The following RPS6KC1 variants were observed in gnomAD, a reference collection of about 807,000 sequenced individuals.
RPS6KC1 encodes the protein inactive ribosomal protein S6 kinase delta-1.
Under a neutral mutation model 103.8 loss-of-function variants are expected in RPS6KC1, and 54 were observed. That is an observed-to-expected ratio of 0.52 (90% CI 0.42 to 0.65). RPS6KC1 has a LOEUF of 0.65. Ranked by LOEUF, RPS6KC1 falls within the 30% of genes least tolerant of loss-of-function variation. RPS6KC1 has a pLI of 0.00. For synonymous variants in RPS6KC1, 439 were observed against 438.7 expected (o/e 1.00, Z -0.01); for missense variants, 1,151 against 1,253.8 (o/e 0.92, Z 1.24).
At chr1:213,256,307 G>A (rs1423762999) in intron 12 of RPS6KC1, among the ~76,000 whole-genome samples, 1 of 152,152 alleles carries the variant, frequency 6.6e-6, no homozygotes, top group Non-Finnish European at 1.5e-5. Flanking sequence ...GATGGAAAAT[G>A]GGGAGTGAAA....
At chr1:213,790,175 T>A in the RPS6KC1 span, among the ~76,000 whole-genome samples, 1 of 152,098 alleles carries the variant, frequency 6.6e-6, no homozygotes, top group Non-Finnish European at 1.5e-5. Context: ...GGATAATGGG[T>A]GGAGGTAGAG....
At chr1:213,197,160 G>C (rs1477414393) in intron 8 of RPS6KC1, among the ~76,000 whole-genome samples, 1 of 152,272 alleles carries the variant, frequency 6.6e-6, no homozygotes, top group South Asian at 2.1e-4. Context: ...TTTTATACCA[G>C]TATTATCCTG....
the RPS6KC1 span, among the ~76,000 whole-genome samples, chr1:213,503,940 A>G: frequency 6.6e-6 from 1 of 152,212 alleles, no homozygotes; most frequent in African/African-American, 2.4e-5. Flanking sequence ...AATATGTTCA[A>G]GGATATTTAC....
chr1:213,858,311 G>A, the RPS6KC1 span, among the ~76,000 whole-genome samples: 1 of 152,134 alleles, frequency 6.6e-6, no homozygotes, highest in Non-Finnish European at 1.5e-5. Context: ...TTTTACAGGT[G>A]AGCACTCCAG....
the RPS6KC1 span, among the ~76,000 whole-genome samples, chr1:213,464,125 C>T: frequency 2.0e-5 from 3 of 152,164 alleles, no homozygotes; most frequent in Admixed American, 1.3e-4. Context: ...CATGTCTGCT[C>T]ACATGTAGTA....
chr1:213,595,193 A>T, the RPS6KC1 span, among the ~76,000 whole-genome samples: 1 of 152,176 alleles, frequency 6.6e-6, no homozygotes. Flanking sequence ...CGCCACCATT[A>T]TCTGTATTAT....
chr1:213,261,060 A>G (rs551725366), intron 12 of RPS6KC1, among the ~76,000 whole-genome samples: 1 of 152,328 alleles, frequency 6.6e-6, no homozygotes, highest in South Asian at 2.1e-4. Flanking sequence ...GATACTATAA[A>G]CTAGGTCTTC....
chr1:213,334,370 A>G, the RPS6KC1 span, among the ~76,000 whole-genome samples: 5 of 152,186 alleles, frequency 3.3e-5, no homozygotes, highest in Non-Finnish European at 7.3e-5. Flanking sequence ...TGATATTAGG[A>G]GAACTCCTGG....
the RPS6KC1 span, among the ~76,000 whole-genome samples, chr1:213,790,636 A>T: frequency 6.6e-6 from 1 of 152,112 alleles, no homozygotes; most frequent in Admixed American, 6.6e-5. Flanking sequence ...AAAGAGAGAA[A>T]ACGTTTTGCC....
the RPS6KC1 span, among the ~76,000 whole-genome samples, chr1:213,324,778 A>G: frequency 3.9e-5 from 6 of 151,964 alleles, no homozygotes; most frequent in Admixed American, 3.3e-4. Flanking sequence ...GTGCTTTCAC[A>G]CAGGAAGCTG....
At chr1:213,133,465 A>G (rs1462646075) in intron 6 of RPS6KC1, among the ~76,000 whole-genome samples, 3 of 152,208 alleles carry the variant, frequency 2.0e-5, no homozygotes, top group African/African-American at 7.2e-5. Flanking sequence ...GACTGGCCAT[A>G]CTGGACTTTG....
chr1:213,699,635 C>G, the RPS6KC1 span, among the ~76,000 whole-genome samples: 2 of 151,926 alleles, frequency 1.3e-5, no homozygotes. Context: ...AACTTCCAAA[C>G]TATTTTGAAC....
At chr1:213,513,301 C>T in the RPS6KC1 span, among the ~76,000 whole-genome samples, 2 of 152,094 alleles carry the variant, frequency 1.3e-5, no homozygotes, top group African/African-American at 4.8e-5. Flanking sequence ...TGTTGTTAGC[C>T]CACTGAGATC....
the RPS6KC1 span, among the ~76,000 whole-genome samples, chr1:213,296,797 A>G: frequency 6.6e-5 from 10 of 152,146 alleles, no homozygotes; most frequent in African/African-American, 2.4e-4. Flanking sequence ...ATCAAAAGGG[A>G]TCAGGCAGAC....
chr1:213,343,815 A>C, the RPS6KC1 span, among the ~76,000 whole-genome samples: 67 of 152,272 alleles, frequency 4.4e-4, no homozygotes, highest in African/African-American at 1.6e-3. Flanking sequence ...AAATAAAAAA[A>C]ATAAAAAAGT....
chr1:213,316,797 G>A, the RPS6KC1 span, among the ~76,000 whole-genome samples: 19 of 152,040 alleles, frequency 1.2e-4, no homozygotes, highest in Admixed American at 9.8e-4. Flanking sequence ...TTAATAATGT[G>A]ACATTGGAGT....
intron 8 of RPS6KC1, among the ~76,000 whole-genome samples, chr1:213,198,102 T>C (rs950819011): frequency 6.6e-6 from 1 of 152,194 alleles, no homozygotes; most frequent in Non-Finnish European, 1.5e-5. Flanking sequence ...GATGTTTTGT[T>C]TTAAGATTTA....
the RPS6KC1 span, among the ~76,000 whole-genome samples, chr1:213,733,202 T>C: frequency 1.3e-5 from 2 of 149,774 alleles, no homozygotes; most frequent in African/African-American, 4.9e-5. Flanking sequence ...CTATTTCTAG[T>C]TTAGGGTTTT....
chr1:213,801,220 C>T, the RPS6KC1 span, among the ~76,000 whole-genome samples: 1 of 152,130 alleles, frequency 6.6e-6, no homozygotes, highest in Non-Finnish European at 1.5e-5. Context: ...CGATATTCTT[C>T]CAAGAGGTCA....
Sources: allele counts gnomAD v4.1 joint callset (sites outside exome capture counted in the v4.1 genomes callset), GRCh38; gene constraint gnomAD v4.1.1; transcripts MANE v1.5; gene names NCBI Gene and HGNC (gene_info 2026-07-23, HGNC 2026-07-21).